The following MME variants were observed in gnomAD, a reference collection of about 807,000 sequenced individuals.
MME encodes neprilysin.
Under a neutral mutation model 113.2 loss-of-function variants are expected in MME, and 98 were observed. That is an observed-to-expected ratio of 0.87 (90% CI 0.74 to 1.02). The LOEUF (loss-of-function observed/expected upper bound fraction) is 1.02, where lower values mean the gene tolerates loss of function less well. Ranked by LOEUF, MME falls within the 50% of genes least tolerant of loss-of-function variation. The pLI is 0.00. For missense variants in MME, 836 were observed against 896.0 expected (o/e 0.93, Z 0.86); for synonymous variants, 292 against 300.6 (o/e 0.97, Z 0.30).
At chr3:155,025,506 C>T (rs970181606) in intron 1 of MME, among the ~76,000 whole-genome samples, 2 of 150,678 alleles carry the variant, frequency 1.3e-5, no homozygotes, top group Admixed American at 1.3e-4. Context: ...CACCTGTAAT[C>T]CCAGCTACTC....
chr3:155,087,114 G>A (rs1370636875), intron 3 of MME, among the ~76,000 whole-genome samples: 1 of 151,774 alleles, frequency 6.6e-6, no homozygotes, highest in East Asian at 1.9e-4. Context: ...TGGGATTACA[G>A]GCATGAGCCA....
chr3:155,026,788 T>C (rs751904538), intron 1 of MME, among the ~76,000 whole-genome samples: 1 of 152,050 alleles, frequency 6.6e-6, no homozygotes, highest in Non-Finnish European at 1.5e-5. Context: ...AATACCCTCA[T>C]CCAGCTATCC....
rs1576683846 is a variant in MME at position 155,073,325 on chromosome 3, G to A, written c.-10-10833G>A. 2.6e-5 allele frequency among the ~76,000 whole-genome samples: 4 copies of A among 152,156 alleles called. No homozygotes were observed. The South Asian group carries it at 8.3e-4, about 31-fold the overall frequency. Reference sequence around the variant, plus strand: ...AAATAGAAACGACCACAGCACAGGAGATGTGCAGTCTCATTAATTAATAAG... The same window carrying A: ...AAATAGAAACGACCACAGCACAGGAAATGTGCAGTCTCATTAATTAATAAG... On this transcript the variant is annotated intron_variant, in intron 1 of 22. Transcript: ENST00000492661.
chr3:155,128,313 C>A (rs1280715705), intron 8 of MME, among the ~76,000 whole-genome samples: 1 of 152,054 alleles, frequency 6.6e-6, no homozygotes, highest in Non-Finnish European at 1.5e-5. Context: ...TCTCCTAATC[C>A]CTACCACCTG....
rs200219999 is a variant in MME, at chr3:155,060,860, T to TGA, written c.-10-23286_-10-23285dup. On this transcript the variant is annotated intron_variant, in intron 1 of 22. Transcript: ENST00000492661. ...GAGAGAGAGAGAGAGAGAGAGAGAGTGAGAGAGAGAGAGCACTTTTGCTCT... is the reference window on the plus strand; with the variant it reads ...GAGAGAGAGAGAGAGAGAGAGAGAGTGAGAGAGAGAGAGAGCACTTTTGCTCT... Among the ~76,000 whole-genome samples the TGA allele has an allele frequency of 1.0e-4, 13 of 125,110 alleles. No homozygotes were observed. The East Asian group carries it at 1.8e-3, about 18-fold the overall frequency. 82.1% of individuals were successfully genotyped at this position (125,110 alleles called of 152,430 possible).
chr3:155,071,381 G>A (rs886230779), intron 1 of MME, among the ~76,000 whole-genome samples: 1 of 152,148 alleles, frequency 6.6e-6, no homozygotes, highest in African/African-American at 2.4e-5. Flanking sequence ...CCAATTCTAT[G>A]TTTTGAAATT....
At chr3:155,100,573 A>G (rs1385992732) in intron 3 of MME, among the ~76,000 whole-genome samples, 1 of 152,350 alleles carries the variant, frequency 6.6e-6, no homozygotes, top group Middle Eastern at 3.4e-3. Flanking sequence ...TGTACCCACA[A>G]TCATTAACTC....
At chr3:155,171,212 T>C (rs886865785) in intron 20 of MME, among the ~76,000 whole-genome samples, 1 of 152,186 alleles carries the variant, frequency 6.6e-6, no homozygotes, top group African/African-American at 2.4e-5. Context: ...ACTTTGAAAA[T>C]ATGTAAATTC....
chr3:155,047,016 T>A (rs1308491073), intron 1 of MME, among the ~76,000 whole-genome samples: 2 of 152,182 alleles, frequency 1.3e-5, no homozygotes, highest in Non-Finnish European at 1.5e-5. Flanking sequence ...GAAACTTGTT[T>A]TATATAACTT....
At chr3:155,106,001 T>A (rs114647262) in intron 3 of MME, among the ~76,000 whole-genome samples, 2,467 of 152,292 alleles carry the variant, frequency 0.016, 59 homozygotes, top group African/African-American at 0.055. Context: ...TATGCATATT[T>A]GTTGTATGTA....
intron 21 of MME, 140 bp from the exon 22 acceptor site, chr3:155,172,396 A>C: frequency 2.4e-6 from 2 of 826,824 alleles, no homozygotes; most frequent in South Asian, 2.8e-5. Flanking sequence ...GTTGCCTTTC[A>C]TTGAACATTA....
At chr3:155,174,371 TG>T (rs1712304138) in intron 22 of MME, among the ~76,000 whole-genome samples, 5 of 142,726 alleles carry the variant, frequency 3.5e-5, no homozygotes, top group Non-Finnish European at 1.5e-5. Context: ...TGTGTGTGTG[TG>T]TGTGTGTGAA....
intron 17 of MME, among the ~76,000 whole-genome samples, chr3:155,163,342 C>T (rs984878758): frequency 6.6e-6 from 1 of 152,180 alleles, no homozygotes. Context: ...ATTCAGTTTT[C>T]ACCATTTTGT....
chr3:155,097,441 T>C (rs375205514), intron 3 of MME, among the ~76,000 whole-genome samples: 45 of 152,068 alleles, frequency 3.0e-4, no homozygotes, highest in Admixed American at 1.6e-3. Context: ...CTGTCCAAAA[T>C]TAGAGAGTGA....
chr3:155,118,800 A>G lies in MME; in HGVS notation c.709A>G (p.Ile237Val). The part of the protein sequence containing the change: ...PSRDYYECTG[I>V]YKEACTAYVD... ...TAGAGATTACTATGAATGCACTGGAATCTATAAAGAGGTAAAAAGAAAAAA... is the reference window on the plus strand; with the variant it reads ...TAGAGATTACTATGAATGCACTGGAGTCTATAAAGAGGTAAAAAGAAAAAA... The change falls in exon 8 of 23, where the codon ATC (isoleucine) becomes GTC (valine). Residue 237 changes from isoleucine (I) to valine (V), a missense_variant. Coordinates refer to ENST00000360490, the MANE Select transcript of MME (RefSeq NM_007289.4). 1 of 1,598,058 alleles carries G rather than the reference A, an allele frequency of 6.3e-7. No individual in the cohort carries two copies. Among genetic ancestry groups the G allele is most frequent in the Non-Finnish European group, 8.6e-7 (1 of 1,167,340 alleles).
intron 3 of MME, among the ~76,000 whole-genome samples, chr3:155,105,779 A>T (rs565277952): frequency 2.2e-4 from 34 of 152,338 alleles, no homozygotes; most frequent in African/African-American, 7.5e-4. Flanking sequence ...GAAAGCATTT[A>T]AAAAACAGCC....
chr3:155,110,821 A>T (rs188795080), intron 3 of MME, among the ~76,000 whole-genome samples: 1 of 152,242 alleles, frequency 6.6e-6, no homozygotes, highest in Non-Finnish European at 1.5e-5. Context: ...ATATGTTAGT[A>T]TATATCCTTC....
chr3:155,157,220 G>A (rs563719931), intron 16 of MME, among the ~76,000 whole-genome samples: 99 of 152,054 alleles, frequency 6.5e-4, no homozygotes, highest in African/African-American at 2.4e-3. Context: ...TAAAAATAAG[G>A]TTTCTTCCTT....
intron 8 of MME, among the ~76,000 whole-genome samples, chr3:155,125,671 G>C (rs1719592017): frequency 6.6e-6 from 1 of 151,802 alleles, no homozygotes; most frequent in African/African-American, 2.4e-5. Context: ...ATTTTGGCCA[G>C]TGTGGTCTCG....
Sources: allele counts gnomAD v4.1 joint callset (sites outside exome capture counted in the v4.1 genomes callset), GRCh38; gene constraint gnomAD v4.1.1; transcripts MANE v1.5; gene names NCBI Gene and HGNC (gene_info 2026-07-23, HGNC 2026-07-21).